The following CCDC138 variants were observed in gnomAD, a reference collection of about 807,000 sequenced individuals.
CCDC138 encodes coiled-coil domain containing 138.
A neutral mutation model predicts 82.3 loss-of-function variants in CCDC138; 66 were observed. That is an observed-to-expected ratio of 0.80 (90% confidence interval 0.66 to 0.98). CCDC138 has a LOEUF of 0.98. Ranked by LOEUF, CCDC138 falls within the 50% of genes least tolerant of loss-of-function variation. The pLI, the probability that CCDC138 is intolerant of heterozygous loss-of-function variation, is 0.00. For missense variants in CCDC138, 816 were observed against 758.9 expected, an observed-to-expected ratio of 1.08 and a Z score of -0.88; for synonymous variants, 297 against 265.4, an observed-to-expected ratio of 1.12 and a Z score of -1.16.
intron 6 of CCDC138, among the ~76,000 whole-genome samples, chr2:108,798,816 T>TACACACACACACACAC (rs61201793): frequency 3.4e-4 from 45 of 131,638 alleles, no homozygotes; most frequent in Middle Eastern, 8.3e-3. Context: ...TCTCCACACC[T>TACACACACACACACAC]ACACACACAC....
chr2:108,837,495 A>G (rs923637156), intron 10 of CCDC138, among the ~76,000 whole-genome samples: 1 of 152,172 alleles, frequency 6.6e-6, no homozygotes, highest in East Asian at 1.9e-4. Context: ...ATTATAATGG[A>G]GCAAAGAAAA....
chr2:108,818,986 G>T (rs1259186271), intron 10 of CCDC138, among the ~76,000 whole-genome samples: 1 of 152,162 alleles, frequency 6.6e-6, no homozygotes, highest in African/African-American at 2.4e-5. Flanking sequence ...TATTATCAAA[G>T]AAATTGAGAT....
chr2:108,820,262 T>C (rs1685451290), intron 10 of CCDC138, among the ~76,000 whole-genome samples: 1 of 151,790 alleles, frequency 6.6e-6, no homozygotes, highest in Non-Finnish European at 1.5e-5. Context: ...TCTAACAAAA[T>C]AATAAAATTA....
At chr2:108,854,861 G>A (rs73952532) in intron 12 of CCDC138, among the ~76,000 whole-genome samples, 2,005 of 152,212 alleles carry the variant, frequency 0.013, 64 homozygotes, top group South Asian at 0.083. Context: ...AGATTCAAAG[G>A]GTGGGCAGTA....
At chr2:108,873,327 TATGAAAAGA>T (rs1695557921) in intron 13 of CCDC138, 115 bp from the exon 14 acceptor site, 2 of 888,760 alleles carry the variant, frequency 2.3e-6, no homozygotes, top group Admixed American at 3.2e-5. Flanking sequence ...AAAATTTAAG[TATGAAAAGA>T]ATGAAAATCT....
intron 9 of CCDC138, among the ~76,000 whole-genome samples, chr2:108,815,308 T>A (rs1243375535): frequency 6.6e-6 from 1 of 152,084 alleles, no homozygotes; most frequent in Non-Finnish European, 1.5e-5. Context: ...TTTACTTTTT[T>A]TCCATCTTAT....
chr2:108,793,313 A>G (rs1426648530), intron 4 of CCDC138, among the ~76,000 whole-genome samples: 1 of 152,076 alleles, frequency 6.6e-6, no homozygotes, highest in East Asian at 2.0e-4. Flanking sequence ...AGCCTGGGCG[A>G]CAGAGTGAGA....
At chr2:108,835,377 C>T (rs1688402285) in intron 10 of CCDC138, among the ~76,000 whole-genome samples, 1 of 152,048 alleles carries the variant, frequency 6.6e-6, no homozygotes, top group African/African-American at 2.4e-5. Flanking sequence ...AAATTCATTG[C>T]CATGTGTTAG....
In CCDC138 at chr2:108,788,837, C is replaced by T. The variant is rs767448094; in HGVS notation, c.152-15C>T. 6 of 1,613,670 alleles carry T rather than the reference C, an allele frequency of 3.7e-6. No individual in the cohort carries two copies. The African/African-American group carries it at 8.0e-5, about 22-fold the overall frequency. Reference sequence around the variant, plus strand: ...TTGTTGTGGTAATCTTTCATGGTTTCTTTGTCGTTGACAGGTGATTTGGAT... The same window carrying T: ...TTGTTGTGGTAATCTTTCATGGTTTTTTTGTCGTTGACAGGTGATTTGGAT... On this transcript the variant is annotated splice_polypyrimidine_tract_variant and intron_variant, in intron 2 of 14. Transcript: ENST00000295124.
At chr2:108,874,392 C>T (rs1448459208) in intron 14 of CCDC138, among the ~76,000 whole-genome samples, 2 of 152,130 alleles carry the variant, frequency 1.3e-5, no homozygotes, top group African/African-American at 4.8e-5. Context: ...AGTTACTAAA[C>T]TATAAATAAG....
chr2:108,877,862 A>G (rs528270167), downstream of CCDC138, among the ~76,000 whole-genome samples: 14 of 152,256 alleles, frequency 9.2e-5, no homozygotes, highest in Non-Finnish European at 1.6e-4. Context: ...TACAAGGATA[A>G]AAGCACAAAC....
At chr2:108,866,992 ATTATATTG>A (rs917735923) in intron 13 of CCDC138, among the ~76,000 whole-genome samples, 3 of 152,170 alleles carry the variant, frequency 2.0e-5, no homozygotes, top group Admixed American at 6.5e-5. Flanking sequence ...ATGTAAACAG[ATTATATTG>A]TTATATTGTT....
chr2:108,807,906 G>C (rs1240440241), intron 7 of CCDC138, among the ~76,000 whole-genome samples: 1 of 152,174 alleles, frequency 6.6e-6, no homozygotes, highest in Non-Finnish European at 1.5e-5. Flanking sequence ...ACTGTACCCA[G>C]CCCCTCCTAT....
At chr2:108,830,812 T>TA (rs1184748486) in intron 10 of CCDC138, among the ~76,000 whole-genome samples, 1 of 145,816 alleles carries the variant, frequency 6.9e-6, no homozygotes, top group Non-Finnish European at 1.5e-5. Context: ...CCGTCTCAAA[T>TA]AAAAAACAAA....
Position 108,848,827 on chromosome 2 carries a change from A to G in CCDC138, c.1516+1897A>G, listed in dbSNP as rs560301067. On this transcript the variant is annotated intron_variant, in intron 12 of 14. Transcript: ENST00000295124. ...GGAATAGGAAGTCCAGAAATGAATC[A>G]AAATTGGCACTTCATATTATGTATT... is the stretch of plus-strand genomic sequence containing the variant. Among the ~76,000 whole-genome samples, 11 of 152,352 alleles carry G rather than the reference A, an allele frequency of 7.2e-5. No homozygotes were observed. In the East Asian group the frequency reaches 1.9e-3, roughly 27 times the overall value.
At chr2:108,843,880 T>TGTGTGTGTG (rs1558717151) in intron 11 of CCDC138, among the ~76,000 whole-genome samples, 6 of 94,132 alleles carry the variant, frequency 6.4e-5, no homozygotes, top group African/African-American at 2.7e-4. Flanking sequence ...GTGTGTGTGT[T>TGTGTGTGTG]TCTTTCTTTT....
At chr2:108,797,903 G>A (rs1281967257) in intron 5 of CCDC138, among the ~76,000 whole-genome samples, 8 of 151,648 alleles carry the variant, frequency 5.3e-5, no homozygotes, top group African/African-American at 1.9e-4. Flanking sequence ...ACTGCATTGA[G>A]AATCTAGTAC....
chr2:108,803,884 A>G (rs1225618327), intron 6 of CCDC138, among the ~76,000 whole-genome samples: 1 of 152,184 alleles, frequency 6.6e-6, no homozygotes, highest in African/African-American at 2.4e-5. Flanking sequence ...AGTATCTTTT[A>G]GATATGGAAA....
At chr2:108,797,369 T>C (rs1681077354) in intron 5 of CCDC138, among the ~76,000 whole-genome samples, 1 of 152,228 alleles carries the variant, frequency 6.6e-6, no homozygotes, top group Admixed American at 6.5e-5. Context: ...TATAAAATGC[T>C]ATTGAGAGAA....
Sources: gnomAD v4.1 joint callset for allele counts (sites outside exome capture counted in the v4.1 genomes callset) on GRCh38, gnomAD v4.1.1 for gene constraint, MANE v1.5 for transcripts, NCBI Gene and HGNC (gene_info 2026-07-23, HGNC 2026-07-21) for gene names.